LARP4B: variants seen among roughly 807,000 people sequenced by gnomAD.
The protein encoded by LARP4B is la-related protein 4B.
LARP4B carries 12 observed loss-of-function variants against 89.8 expected under a neutral mutation model. The ratio of observed to expected loss-of-function variants is 0.13; its 90% CI spans 0.09 to 0.22. The LOEUF (loss-of-function observed/expected upper bound fraction) is 0.22. Ranked by LOEUF, LARP4B falls within the 10% of genes least tolerant of loss-of-function variation. The probability of loss-of-function intolerance (pLI) is 1.00; values close to 1 mark genes in which losing one functional copy is unlikely to be tolerated. For synonymous variants in LARP4B, 367 were observed against 363.3 expected (o/e 1.01, Z -0.12); for missense variants, 757 against 947.7 (o/e 0.80, Z 2.64).
chr10:984,740 T>C, the LARP4B span, among the ~76,000 whole-genome samples: 1 of 152,124 alleles, frequency 6.6e-6, no homozygotes, highest in Non-Finnish European at 1.5e-5. Context: ...CTGGACAACA[T>C]GGCGAAATCT....
At chr10:908,883 T>C (rs1189955175) in intron 1 of LARP4B, among the ~76,000 whole-genome samples, 1 of 151,794 alleles carries the variant, frequency 6.6e-6, no homozygotes, top group African/African-American at 2.4e-5. Flanking sequence ...CCTTGCCAGG[T>C]GGTGAGGGGC....
intron 7 of LARP4B, among the ~76,000 whole-genome samples, chr10:839,076 G>GTA (rs1833381960): frequency 6.6e-6 from 1 of 152,220 alleles, no homozygotes; most frequent in African/African-American, 2.4e-5. Context: ...TACAGAGGCA[G>GTA]TAAAAAGATC....
At chr10:872,952 C>G (rs10904576) in intron 3 of LARP4B, 171,333 of 895,872 alleles carry the variant, frequency 0.19, 17,344 homozygotes, top group East Asian at 0.32. Flanking sequence ...CTTGTCCGCG[C>G]GCTAACGCCA....
At chr10:890,988 T>G (rs529187308) in intron 1 of LARP4B, among the ~76,000 whole-genome samples, 1 of 152,290 alleles carries the variant, frequency 6.6e-6, no homozygotes, top group East Asian at 1.9e-4. Context: ...TTGCCAACAT[T>G]AATTTCCAGA....
the LARP4B span, among the ~76,000 whole-genome samples, chr10:945,790 C>G: frequency 2.0e-4 from 30 of 152,196 alleles, no homozygotes; most frequent in Non-Finnish European, 3.7e-4. Flanking sequence ...CACCATGGCT[C>G]TCTTTCAAAT....
chr10:976,796 T>C, the LARP4B span, among the ~76,000 whole-genome samples: 1 of 146,850 alleles, frequency 6.8e-6, no homozygotes, highest in African/African-American at 2.5e-5. Flanking sequence ...AGGCCTGTCA[T>C]GTAATGTGTG....
upstream of LARP4B, among the ~76,000 whole-genome samples, chr10:933,761 C>G (rs1437721422): frequency 6.6e-6 from 1 of 152,076 alleles, no homozygotes. Context: ...GGAGCTTACT[C>G]TTGGTTCATA....
chr10:886,379 C>A (rs1345427310), intron 1 of LARP4B, among the ~76,000 whole-genome samples: 1 of 152,092 alleles, frequency 6.6e-6, no homozygotes, highest in African/African-American at 2.4e-5. Flanking sequence ...ATTGGTGCGG[C>A]CATTATGAAA....
At chr10:932,557 C>T (rs1830678597), upstream of LARP4B, among the ~76,000 whole-genome samples, 2 of 102,858 alleles carry the variant, frequency 1.9e-5, no homozygotes, top group Non-Finnish European at 2.0e-5. Flanking sequence ...CCCGGCCCTG[C>T]CCCAAACTCC....
At chr10:926,266 CA>C (rs1275760865) in intron 1 of LARP4B, among the ~76,000 whole-genome samples, 1 of 152,222 alleles carries the variant, frequency 6.6e-6, no homozygotes, top group Non-Finnish European at 1.5e-5. Flanking sequence ...AACAGAGAAG[CA>C]TAATCTCAGA....
chr10:876,142 T>C lies in LARP4B; in HGVS notation c.141+8305A>G, dbSNP rs184576041. On this transcript the variant is annotated intron_variant, in intron 3 of 17. Coordinates refer to ENST00000316157, the MANE Select transcript of LARP4B (RefSeq NM_015155.3). ...GGCTCACGCCTGTAATCCCAACACT[T>C]AGGGAGGCCAAAGCAGGCGGATCAC... Among the ~76,000 whole-genome samples the C allele has an allele frequency of 2.1e-3, 314 of 152,190 alleles. 1 individual carries two copies. Among genetic ancestry groups the C allele is most frequent in the Non-Finnish European group, 3.9e-3 (262 of 68,020 alleles).
chr10:865,587 G>A (rs1011105593), intron 3 of LARP4B, among the ~76,000 whole-genome samples: 1 of 152,050 alleles, frequency 6.6e-6, no homozygotes, highest in African/African-American at 2.4e-5. Flanking sequence ...CAGAGACTGG[G>A]GACTGGTGGT....
chr10:896,988 ATT>A (rs58205872), intron 1 of LARP4B, among the ~76,000 whole-genome samples: 3,133 of 137,402 alleles, frequency 0.023, 60 homozygotes, highest in African/African-American at 0.065. Context: ...TTGTGGGAGA[ATT>A]TTTTTTTTTT....
At chr10:900,831 C>T (rs539808675) in intron 1 of LARP4B, among the ~76,000 whole-genome samples, 1 of 151,358 alleles carries the variant, frequency 6.6e-6, no homozygotes, top group East Asian at 1.9e-4. Flanking sequence ...ACTGGCCAGG[C>T]TGGTCTCGAA....
chr10:890,095 A>G (rs1340209919), intron 1 of LARP4B, among the ~76,000 whole-genome samples: 2 of 152,232 alleles, frequency 1.3e-5, no homozygotes, highest in Non-Finnish European at 2.9e-5. Context: ...TTTTAGGTAC[A>G]TCTGAAAACA....
intron 5 of LARP4B, among the ~76,000 whole-genome samples, chr10:850,234 C>T (rs115746940): frequency 1.3e-5 from 2 of 152,256 alleles, no homozygotes; most frequent in South Asian, 2.1e-4. Flanking sequence ...TAAATGTTAA[C>T]GTTCTAAATA....
chr10:984,832 T>C, the LARP4B span, among the ~76,000 whole-genome samples: 1 of 152,114 alleles, frequency 6.6e-6, no homozygotes, highest in Non-Finnish European at 1.5e-5. Flanking sequence ...GCTGAGGCAC[T>C]TAAATCTGAG....
At chr10:865,764 T>A (rs1219339724) in intron 3 of LARP4B, among the ~76,000 whole-genome samples, 7 of 152,172 alleles carry the variant, frequency 4.6e-5, no homozygotes, top group Non-Finnish European at 8.8e-5. Context: ...AACTTACACA[T>A]GATTTGCCTT....
intron 1 of LARP4B, among the ~76,000 whole-genome samples, chr10:916,534 A>G (rs1836826948): frequency 6.6e-6 from 1 of 152,128 alleles, no homozygotes; most frequent in Non-Finnish European, 1.5e-5. Flanking sequence ...CATCTCTACT[A>G]AAAATACAAA....
Sources: gnomAD v4.1 joint callset for allele counts (sites outside exome capture counted in the v4.1 genomes callset) on GRCh38, gnomAD v4.1.1 for gene constraint, MANE v1.5 for transcripts, NCBI Gene and HGNC (gene_info 2026-07-23, HGNC 2026-07-21) for gene names.